Variants in DNAH11 observed in about 807,000 individuals in gnomAD.
The protein encoded by DNAH11 is dynein axonemal heavy chain 11.
In DNAH11, 442 loss-of-function variants were observed where a neutral mutation model predicts 526.0. The ratio of observed to expected loss-of-function variants is 0.84; its 90% CI spans 0.78 to 0.91. DNAH11 has a LOEUF of 0.91. Among genes scored for constraint, DNAH11 ranks in the 40% least tolerant of loss-of-function variants. DNAH11 has a pLI of 0.00. For missense variants in DNAH11, 6,989 were observed against 5,448.7 expected, an observed-to-expected ratio of 1.28 and a Z score of -8.90; for synonymous variants, 2,461 against 1,935.9, an observed-to-expected ratio of 1.27 and a Z score of -7.12.
chr7:21,765,677 G>T, intron 55 of DNAH11, 88 bp downstream of exon 55: 2 of 1,413,088 alleles, frequency 1.4e-6, no homozygotes, highest in Non-Finnish European at 1.9e-6. Context: ...ATCCTCAGTA[G>T]GTAAGTGCTT....
chr7:21,824,666 C>T (rs1790200725), intron 65 of DNAH11, among the ~76,000 whole-genome samples: 1 of 152,148 alleles, frequency 6.6e-6, no homozygotes. Context: ...GGTGAAGATT[C>T]TGAATGTTGC....
intron 14 of DNAH11, among the ~76,000 whole-genome samples, chr7:21,596,576 C>A (rs775777669): frequency 6.6e-6 from 1 of 152,074 alleles, no homozygotes; most frequent in African/African-American, 2.4e-5. Flanking sequence ...TTTTCTGTTA[C>A]ATTTTCTTGA....
Position 21,703,021 on chromosome 7 carries a change from A to T in DNAH11, c.6273+219A>T, listed in dbSNP as rs150140268. Among the ~76,000 whole-genome samples the T allele has an allele frequency of 6.2e-3, 942 of 152,340 alleles. 12 individuals carry two copies. The highest frequency in any genetic ancestry group is 0.021 in the African/African-American group (872 of 41,578). The stretch of plus-strand genomic sequence containing the variant: ...TCTGGAAAAGAAAATGTGATTTTAC[A>T]AGTAGTTTTGAAATAGCCACAAAAA... On this transcript the variant is annotated intron_variant, in intron 37 of 81. Coordinates refer to ENST00000409508, the MANE Select transcript of DNAH11 (RefSeq NM_001277115.2).
intron 25 of DNAH11, among the ~76,000 whole-genome samples, chr7:21,627,920 T>A (rs1786420421): frequency 6.6e-6 from 1 of 152,222 alleles, no homozygotes; most frequent in Non-Finnish European, 1.5e-5. Flanking sequence ...AATATCTTTC[T>A]GTTTTTTGTG....
chr7:21,708,379 G>A (rs931940715), intron 40 of DNAH11, among the ~76,000 whole-genome samples: 1 of 152,154 alleles, frequency 6.6e-6, no homozygotes, highest in Admixed American at 6.5e-5. Context: ...CCTTTAAAAT[G>A]TATGTGAATT....
In DNAH11 at chr7:21,899,386, A is replaced by C; in HGVS notation, c.13100A>C (p.Asp4367Ala). 6.2e-7 allele frequency: 1 copy of C among 1,613,954 alleles called. No individual in the cohort carries two copies. Among genetic ancestry groups the C allele is most frequent in the South Asian group, 1.1e-5 (1 of 91,076 alleles). Residue 4367 changes from aspartate (D) to alanine (A), a missense_variant, in exon 80 of 82, where the codon GAC becomes GCC. By Grantham distance (126) the Asp-to-Ala change is moderately radical (BLOSUM62 -2). Transcript: ENST00000409508. ...CGAGAACTCGATACTTGGACACAAGACCTTACCCTTCCGGCTGTCGTGTGG... is the reference window on the plus strand; with the variant it reads ...CGAGAACTCGATACTTGGACACAAGCCCTTACCCTTCCGGCTGTCGTGTGG... ...RCRELDTWTQ[D>A]LTLPAVVWLS...
chr7:21,610,513 CAATG>C (rs1042039130), intron 20 of DNAH11, among the ~76,000 whole-genome samples: 6 of 152,040 alleles, frequency 3.9e-5, no homozygotes, highest in African/African-American at 1.2e-4. Context: ...CACAATAAAA[CAATG>C]AACACACCAT....
chr7:21,742,528 A>C (rs569147146), intron 49 of DNAH11, among the ~76,000 whole-genome samples: 1 of 152,226 alleles, frequency 6.6e-6, no homozygotes, highest in East Asian at 1.9e-4. Flanking sequence ...GGATGGTGCT[A>C]ACCATTGATG....
At chr7:21,571,124 T>A (rs2128436804) in intron 7 of DNAH11, among the ~76,000 whole-genome samples, 1 of 152,302 alleles carries the variant, frequency 6.6e-6, no homozygotes, top group Non-Finnish European at 1.5e-5. Flanking sequence ...CTGGGCTCGC[T>A]TTCAATAAAG....
intron 75 of DNAH11, among the ~76,000 whole-genome samples, 159 bp downstream of exon 75, chr7:21,881,052 A>C (rs923445630): frequency 3.9e-5 from 6 of 152,224 alleles, no homozygotes; most frequent in Admixed American, 2.0e-4. Context: ...AAACCAGATC[A>C]AAGGTTTTCC....
rs777145196 is a variant in DNAH11, at chr7:21,690,859, G to C, written c.6019G>C (p.Glu2007Gln). Reference protein sequence around the residue: ...PGYAGRTELPENLKALFRPCA... With the variant: ...PGYAGRTELPQNLKALFRPCA... Reference sequence around the variant, plus strand: ...TTATGCTGGTCGAACCGAATTACCGGAAAATCTCAAAGCTCTTTTCAGGCA... The same window carrying C: ...TTATGCTGGTCGAACCGAATTACCGCAAAATCTCAAAGCTCTTTTCAGGCA... Residue 2007 changes from glutamate (E) to glutamine (Q), a missense_variant, in exon 35 of 82, where the codon GAA becomes CAA. Glu to Gln is a conservative substitution (Grantham distance 29). Coordinates refer to ENST00000409508, the MANE Select transcript of DNAH11 (RefSeq NM_001277115.2). 5 of 1,612,402 alleles carry C rather than the reference G, an allele frequency of 3.1e-6. No homozygotes were observed. In the Admixed American group the frequency reaches 5.0e-5, roughly 16 times the overall value.
chr7:21,840,327 A>G lies in DNAH11; in HGVS notation c.10692-2217A>G, dbSNP rs1274551299. Among the ~76,000 whole-genome samples the G allele has an allele frequency of 2.6e-5, 4 of 152,186 alleles. No homozygotes were observed. In the South Asian group the frequency reaches 6.2e-4, roughly 24 times the overall value. Reference sequence around the variant, plus strand: ...GAAGTCAATGAGATAGGCAATAAATATTTTTTTCTCATGGCTATTTAAAAT... The same window carrying G: ...GAAGTCAATGAGATAGGCAATAAATGTTTTTTTCTCATGGCTATTTAAAAT... On this transcript the variant is annotated intron_variant, in intron 65 of 81. Transcript: ENST00000409508.
At chr7:21,840,005 C>G (rs1324690102) in intron 65 of DNAH11, among the ~76,000 whole-genome samples, 1 of 152,194 alleles carries the variant, frequency 6.6e-6, no homozygotes, top group African/African-American at 2.4e-5. Context: ...CCAGTTGTCT[C>G]ATTAAAAATG....
chr7:21,709,220 C>T (rs1167582451), intron 40 of DNAH11, among the ~76,000 whole-genome samples: 1 of 152,148 alleles, frequency 6.6e-6, no homozygotes, highest in Non-Finnish European at 1.5e-5. Context: ...GGTACATATA[C>T]ACCATGGAAT....
Position 21,789,228 on chromosome 7 carries a change from C to G in DNAH11, c.9925-13C>G. ...TATCCTCTTTGTATCTGTATTAATT[C>G]ATGAATTTTCAGGTCTACTGTGATG... is the stretch of plus-strand genomic sequence containing the variant. On this transcript the variant is annotated splice_polypyrimidine_tract_variant and intron_variant, in intron 60 of 81. Coordinates refer to ENST00000409508, the MANE Select transcript of DNAH11 (RefSeq NM_001277115.2). 1 of 1,542,022 alleles carries G rather than the reference C, an allele frequency of 6.5e-7. No homozygotes were observed. Among genetic ancestry groups the G allele is most frequent in the Non-Finnish European group, 8.8e-7 (1 of 1,135,578 alleles).
chr7:21,846,908 A>G (rs1782442622), intron 66 of DNAH11, among the ~76,000 whole-genome samples: 1 of 152,110 alleles, frequency 6.6e-6, no homozygotes, highest in African/African-American at 2.4e-5. Flanking sequence ...CAGATTATGT[A>G]TGTATTTTTG....
rs1223461836 is a variant in DNAH11 at position 21,816,702 on chromosome 7, G to A, written c.10568G>A (p.Gly3523Glu). 4.3e-6 allele frequency: 7 copies of A among 1,612,374 alleles called. No individual in the cohort carries two copies. The highest frequency in any genetic ancestry group is 5.9e-6 in the Non-Finnish European group (7 of 1,179,146). ...DLKVTHLGQK[G>E]FLNAIETALA... is the part of the protein sequence containing the mutation. ...AAAGTCACACATTTGGGCCAGAAAG[G>A]GTATGTGAAGTTTGAAGAGACTGGC... The change falls in exon 64 of 82, where the codon GGG (glycine) becomes GAG (glutamate). Residue 3523 changes from glycine (G) to glutamate (E), a missense_variant and splice_region_variant. By Grantham distance (98) the Gly-to-Glu change is moderately conservative (BLOSUM62 -2). Coordinates refer to ENST00000409508, the MANE Select transcript of DNAH11 (RefSeq NM_001277115.2).
chr7:21,776,935 C>CGTGT (rs3061429), intron 56 of DNAH11, among the ~76,000 whole-genome samples: 1,578 of 149,784 alleles, frequency 0.011, 22 homozygotes, highest in African/African-American at 0.035. Flanking sequence ...TTTATTTGTA[C>CGTGT]GTGTGTGTGT....
chr7:21,560,137 T>C (rs183673582), intron 4 of DNAH11, among the ~76,000 whole-genome samples: 2 of 152,186 alleles, frequency 1.3e-5, no homozygotes, highest in South Asian at 2.1e-4. Context: ...GACACAGCTT[T>C]GGAAAGACTA....
Sources: gnomAD v4.1 joint callset for allele counts (sites outside exome capture counted in the v4.1 genomes callset) on GRCh38, gnomAD v4.1.1 for gene constraint, MANE v1.5 for transcripts, NCBI Gene and HGNC (gene_info 2026-07-23, HGNC 2026-07-21) for gene names.